The following FMN1 variants were observed in gnomAD, a reference collection of about 807,000 sequenced individuals.
The protein encoded by FMN1 is formin 1.
A neutral mutation model predicts 132.4 loss-of-function variants in FMN1; 110 were observed. The ratio of observed to expected loss-of-function variants is 0.83; its 90% confidence interval spans 0.71 to 0.97. The LOEUF (loss-of-function observed/expected upper bound fraction) is 0.97. FMN1 is among the 50% of genes least tolerant of loss of function. The pLI, the probability that FMN1 is intolerant of heterozygous loss-of-function variation, is 0.00. For missense variants in FMN1, 1,792 were observed against 1,705.3 expected, an observed-to-expected ratio of 1.05 and a Z score of -0.90; for synonymous variants, 722 against 651.7, an observed-to-expected ratio of 1.11 and a Z score of -1.64.
intron 6 of FMN1, among the ~76,000 whole-genome samples, chr15:33,015,267 G>A (rs772602383): frequency 2.0e-5 from 3 of 152,102 alleles, no homozygotes; most frequent in East Asian, 1.9e-4. Context: ...AGAATCACTC[G>A]TAAACTTGGG....
chr15:33,122,425 G>A (rs1156698675), intron 4 of FMN1, among the ~76,000 whole-genome samples: 2 of 152,182 alleles, frequency 1.3e-5, no homozygotes, highest in Non-Finnish European at 2.9e-5. Flanking sequence ...GTCAGAGTAG[G>A]TTTTATAAAA....
Position 32,776,829 on chromosome 15 carries a change from T to A in FMN1, c.4215+6A>T. 1.3e-6 allele frequency: 2 copies of A among 1,547,336 alleles called. No homozygotes were observed. The highest frequency in any genetic ancestry group is 8.8e-7 in the Non-Finnish European group (1 of 1,130,294). ...TCGTTAGATTATGTTGAAAAATATA[T>A]CTCACCAGGCTAGCAGTGGGATTGA... is the stretch of plus-strand genomic sequence containing the variant. On this transcript the variant is annotated splice_donor_region_variant and intron_variant, in intron 20 of 20. Transcript: ENST00000616417.
chr15:32,854,496 CTG>C (rs1291931187), intron 17 of FMN1, among the ~76,000 whole-genome samples: 2 of 152,138 alleles, frequency 1.3e-5, no homozygotes, highest in Non-Finnish European at 2.9e-5. Flanking sequence ...CAAATTCAAT[CTG>C]TGTCATATTT....
At position 33,053,821 on chromosome 15, in the gene FMN1, C is replaced by T. The variant is rs934375539; in HGVS notation, c.2161+11136G>A. On this transcript the variant is annotated intron_variant, in intron 6 of 20. Transcript: ENST00000616417. Reference sequence around the variant, plus strand: ...GAGCTGAGGCATGCTACTTTTCCAACGTGAGGATGTGTTCGTTAACTCAGA... The same window carrying T: ...GAGCTGAGGCATGCTACTTTTCCAATGTGAGGATGTGTTCGTTAACTCAGA... Among the ~76,000 whole-genome samples, 5 of 152,170 alleles carry T rather than the reference C, an allele frequency of 3.3e-5. No individual in the cohort carries two copies. The South Asian group carries it at 1.0e-3, about 32-fold the overall frequency.
At chr15:33,025,051 T>A (rs544180102) in intron 6 of FMN1, among the ~76,000 whole-genome samples, 3 of 152,292 alleles carry the variant, frequency 2.0e-5, no homozygotes, top group African/African-American at 7.2e-5. Context: ...TACATTATTG[T>A]TATAAGTATA....
At chr15:32,966,833 G>T (rs1021432644) in intron 8 of FMN1, among the ~76,000 whole-genome samples, 1 of 152,178 alleles carries the variant, frequency 6.6e-6, no homozygotes, top group African/African-American at 2.4e-5. Context: ...TTATGAGAAG[G>T]TATCCCAAAT....
chr15:33,150,144 G>A (rs1029187229), intron 4 of FMN1: 3 of 985,328 alleles, frequency 3.0e-6, no homozygotes, highest in Admixed American at 6.1e-5. Context: ...AGTATGGTGA[G>A]CCAAGCTCCC....
intron 4 of FMN1, among the ~76,000 whole-genome samples, chr15:33,103,983 A>T (rs1035292040): frequency 2.0e-5 from 3 of 152,052 alleles, no homozygotes; most frequent in South Asian, 4.1e-4. Context: ...AGAAAAATCA[A>T]TTTACTAAAA....
At chr15:33,032,263 A>AAAC (rs2035973756) in intron 6 of FMN1, among the ~76,000 whole-genome samples, 1 of 152,206 alleles carries the variant, frequency 6.6e-6, no homozygotes, top group African/African-American at 2.4e-5. Flanking sequence ...TCATGGTTTT[A>AAAC]ATGACTCATT....
chr15:33,017,843 T>G (rs976855356), intron 6 of FMN1, among the ~76,000 whole-genome samples: 4 of 152,164 alleles, frequency 2.6e-5, no homozygotes, highest in Non-Finnish European at 5.9e-5. Context: ...GGCGGACGGA[T>G]TTCCTGAGGT....
At chr15:33,089,452 G>A (rs2038827125) in intron 4 of FMN1, among the ~76,000 whole-genome samples, 1 of 152,182 alleles carries the variant, frequency 6.6e-6, no homozygotes, top group Non-Finnish European at 1.5e-5. Context: ...ACAGTTTGTT[G>A]AACGAGTGAG....
chr15:32,925,268 T>C (rs1329046871), intron 10 of FMN1, among the ~76,000 whole-genome samples: 1 of 152,236 alleles, frequency 6.6e-6, no homozygotes, highest in African/African-American at 2.4e-5. Flanking sequence ...TGAAAACTTC[T>C]ATTGAAATAA....
In FMN1 at chr15:33,176,505, CCAA is replaced by C. The variant is rs1329209329; in HGVS notation, c.-132+3690_-132+3692del. On this transcript the variant is annotated intron_variant, in intron 3 of 20. Transcript: ENST00000616417. ...TGGGCGACAGAGTGAGACCCTGTCT[CCAA>C]AAAAAAAAAAAAAAAAAAAAATCAT... Among the ~76,000 whole-genome samples, 94 of 49,654 alleles carry C rather than the reference CCAA, an allele frequency of 1.9e-3. 1 individual carries two copies. Among genetic ancestry groups the C allele is most frequent in the African/African-American group, 3.5e-3 (47 of 13,566 alleles). 32.6% of individuals were successfully genotyped at this position (49,654 alleles called of 152,430 possible).
chr15:32,779,911 C>T (rs1323111064), intron 19 of FMN1, among the ~76,000 whole-genome samples: 1 of 152,144 alleles, frequency 6.6e-6, no homozygotes, highest in Non-Finnish European at 1.5e-5. Flanking sequence ...TCACAGGAAT[C>T]AGAGGCATGA....
intron 5 of FMN1, among the ~76,000 whole-genome samples, chr15:33,068,350 C>T (rs759322749): frequency 9.9e-5 from 15 of 152,148 alleles, no homozygotes; most frequent in Admixed American, 2.0e-4. Context: ...AGTGCTGAGC[C>T]GGCAAGCTGA....
chr15:32,904,906 G>A (rs546471887), intron 12 of FMN1, among the ~76,000 whole-genome samples: 1 of 152,268 alleles, frequency 6.6e-6, no homozygotes, highest in East Asian at 1.9e-4. Flanking sequence ...CTACCCACAA[G>A]AGCAAACACA....
chr15:32,891,038 A>AGTTGGCT (rs1447147055), intron 15 of FMN1, among the ~76,000 whole-genome samples: 1 of 152,186 alleles, frequency 6.6e-6, no homozygotes, highest in Non-Finnish European at 1.5e-5. Flanking sequence ...GTTGAAGATC[A>AGTTGGCT]GTTGGCTGTA....
intron 6 of FMN1, among the ~76,000 whole-genome samples, chr15:33,044,967 C>G (rs563730137): frequency 2.6e-5 from 4 of 152,352 alleles, no homozygotes; most frequent in Admixed American, 2.6e-4. Context: ...AGGGCTGAAA[C>G]ATGCCCCTTG....
At chr15:33,177,001 G>T (rs1229048641) in intron 3 of FMN1, among the ~76,000 whole-genome samples, 1 of 152,216 alleles carries the variant, frequency 6.6e-6, no homozygotes, top group Admixed American at 6.5e-5. Context: ...AATTACTGCT[G>T]CTTAGTGATC....
Sources: allele counts gnomAD v4.1 joint callset (sites outside exome capture counted in the v4.1 genomes callset), GRCh38; gene constraint gnomAD v4.1.1; transcripts MANE v1.5; gene names NCBI Gene and HGNC (gene_info 2026-07-23, HGNC 2026-07-21).